The following ADORA2B variants were observed in gnomAD, a reference collection of about 807,000 sequenced individuals.
The protein encoded by ADORA2B is adenosine receptor A2b.
Under a neutral mutation model 20.8 loss-of-function variants are expected in ADORA2B, and 18 were observed. That is an observed-to-expected ratio of 0.87 (90% CI 0.60 to 1.29). ADORA2B has a LOEUF of 1.29. Among genes scored for constraint, ADORA2B ranks in the 50% most tolerant of loss-of-function variants. ADORA2B has a pLI of 0.00. For synonymous variants in ADORA2B, 179 were observed against 178.3 expected (o/e 1.00, Z -0.03); for missense variants, 441 against 422.7 (o/e 1.04, Z -0.38).
chr17:15,905,893 A>T, the ADORA2B span, among the ~76,000 whole-genome samples: 1 of 152,170 alleles, frequency 6.6e-6, no homozygotes, highest in Non-Finnish European at 1.5e-5. Context: ...TGACCTCGTG[A>T]TCTGCCCACC....
At chr17:15,956,115 T>C (rs966956972) in intron 1 of ADORA2B, among the ~76,000 whole-genome samples, 6 of 152,230 alleles carry the variant, frequency 3.9e-5, no homozygotes, top group African/African-American at 1.4e-4. Flanking sequence ...TTTCTTCGCT[T>C]TTTTTCCTTT....
the ADORA2B span, among the ~76,000 whole-genome samples, chr17:15,876,589 C>G: frequency 6.6e-5 from 10 of 151,776 alleles, no homozygotes; most frequent in African/African-American, 2.2e-4. Context: ...ACCCTGGTCC[C>G]CTAATTATCA....
chr17:15,891,283 TAATA>T, the ADORA2B span, among the ~76,000 whole-genome samples: 3 of 139,088 alleles, frequency 2.2e-5, no homozygotes, highest in African/African-American at 5.8e-5. Context: ...GATAAATAAA[TAATA>T]AATAAATAAA....
At chr17:15,907,911 T>C in the ADORA2B span, among the ~76,000 whole-genome samples, 6 of 152,158 alleles carry the variant, frequency 3.9e-5, no homozygotes, top group African/African-American at 1.4e-4. Context: ...TCAGTGCACA[T>C]CCACTAGAAT....
At chr17:15,963,951 C>T (rs146686306) in intron 1 of ADORA2B, among the ~76,000 whole-genome samples, 1 of 152,196 alleles carries the variant, frequency 6.6e-6, no homozygotes, top group African/African-American at 2.4e-5. Flanking sequence ...TCTGAACTTG[C>T]TGGAGTAGAT....
the ADORA2B span, among the ~76,000 whole-genome samples, chr17:15,856,166 C>T: frequency 3.3e-5 from 5 of 151,914 alleles, no homozygotes; most frequent in South Asian, 2.1e-4. Flanking sequence ...TGAGTGCTCA[C>T]GAGATCTGAT....
chr17:15,882,780 A>C, the ADORA2B span, among the ~76,000 whole-genome samples: 1 of 149,310 alleles, frequency 6.7e-6, no homozygotes, highest in African/African-American at 2.5e-5. Context: ...CCTTCTGGAG[A>C]CTGAGGGTGA....
chr17:15,943,473 C>A (rs920966932), upstream of ADORA2B, among the ~76,000 whole-genome samples: 6 of 152,166 alleles, frequency 3.9e-5, no homozygotes, highest in African/African-American at 1.4e-4. Context: ...ACTACAGGCA[C>A]CTGCCACCGT....
chr17:15,900,655 G>A, the ADORA2B span, among the ~76,000 whole-genome samples: 1 of 151,814 alleles, frequency 6.6e-6, no homozygotes, highest in East Asian at 1.9e-4. Flanking sequence ...TCAACATGTT[G>A]CCTAGGCTGG....
At chr17:15,924,027 C>T in the ADORA2B span, among the ~76,000 whole-genome samples, 1 of 152,142 alleles carries the variant, frequency 6.6e-6, no homozygotes, top group South Asian at 2.1e-4. Context: ...ATTCTCCTGC[C>T]TTCGCCTCCA....
chr17:15,974,358 TCA>T (rs139373156), intron 1 of ADORA2B: 391 of 256,878 alleles, frequency 1.5e-3, no homozygotes, highest in Non-Finnish European at 2.0e-3. Context: ...ATACTTCAAG[TCA>T]CAGTTTGAGA....
the ADORA2B span, among the ~76,000 whole-genome samples, chr17:15,935,305 A>T: frequency 5.3e-5 from 8 of 152,072 alleles, no homozygotes. Flanking sequence ...TTTTTGAAGG[A>T]CATTTTTACT....
the ADORA2B span, among the ~76,000 whole-genome samples, chr17:15,898,453 CTTT>C: frequency 9.4e-5 from 12 of 127,490 alleles, no homozygotes; most frequent in African/African-American, 2.0e-4. Flanking sequence ...TAATCTCCCA[CTTT>C]TTTTTTTTTT....
the ADORA2B span, among the ~76,000 whole-genome samples, chr17:15,865,553 C>T: frequency 2.0e-5 from 3 of 152,062 alleles, no homozygotes; most frequent in African/African-American, 7.2e-5. Context: ...TGAGCCACCA[C>T]TCCTGGCCTC....
chr17:15,971,018 C>CAGA (rs1370600709), intron 1 of ADORA2B, among the ~76,000 whole-genome samples: 1 of 152,186 alleles, frequency 6.6e-6, no homozygotes. Flanking sequence ...TCTCACTGGC[C>CAGA]AGAACCACTT....
chr17:15,926,834 G>A, the ADORA2B span, among the ~76,000 whole-genome samples: 30 of 152,240 alleles, frequency 2.0e-4, no homozygotes, highest in South Asian at 4.1e-4. Flanking sequence ...AGCTCAGCGT[G>A]GTAGTGTCTA....
At chr17:15,939,792 C>T in the ADORA2B span, among the ~76,000 whole-genome samples, 4 of 139,230 alleles carry the variant, frequency 2.9e-5, no homozygotes, top group East Asian at 2.3e-4. Flanking sequence ...ACCCAGGAGG[C>T]GGAGCTTGCG....
chr17:15,962,998 C>G (rs1190834704), intron 1 of ADORA2B, among the ~76,000 whole-genome samples: 1 of 152,064 alleles, frequency 6.6e-6, no homozygotes, highest in Non-Finnish European at 1.5e-5. Context: ...AGTCTTGGTT[C>G]CTTTTAGTGG....
chr17:15,951,565 TA>T (rs1969902250), intron 1 of ADORA2B, among the ~76,000 whole-genome samples: 1 of 152,168 alleles, frequency 6.6e-6, no homozygotes, highest in Non-Finnish European at 1.5e-5. Flanking sequence ...CCAGCTGACA[TA>T]AGGGGCTGGT....
Sources: gnomAD v4.1 joint callset for allele counts (sites outside exome capture counted in the v4.1 genomes callset) on GRCh38, gnomAD v4.1.1 for gene constraint, MANE v1.5 for transcripts, NCBI Gene and HGNC (gene_info 2026-07-23, HGNC 2026-07-21) for gene names.